The following KIF9 variants were observed in gnomAD, a reference collection of about 807,000 sequenced individuals.
The protein encoded by KIF9 is kinesin-like protein KIF9.
A neutral mutation model predicts 94.8 loss-of-function variants in KIF9; 68 were observed. The observed-to-expected ratio is 0.72, with a 90% CI of 0.59 to 0.88. KIF9 has a LOEUF of 0.88. Ranked by LOEUF, KIF9 falls within the 40% of genes least tolerant of loss-of-function variation. The pLI is 0.00. For missense variants in KIF9, 882 were observed against 982.5 expected, an observed-to-expected ratio of 0.90 and a Z score of 1.37; for synonymous variants, 343 against 362.1, an observed-to-expected ratio of 0.95 and a Z score of 0.60.
intron 19 of KIF9, 67 bp downstream of exon 19, chr3:47,235,967 C>A: frequency 8.5e-7 from 1 of 1,170,130 alleles, no homozygotes; most frequent in Non-Finnish European, 1.3e-6. Context: ...TGAGAACAGA[C>A]ATCAAGGGGC....
intron 9 of KIF9, among the ~76,000 whole-genome samples, chr3:47,259,695 T>C (rs908942335): frequency 4.7e-5 from 7 of 149,078 alleles, no homozygotes; most frequent in Non-Finnish European, 8.9e-5. Flanking sequence ...AAACGTGTGC[T>C]GTGTCAACTC....
chr3:47,240,211 C>A (rs1313610981), intron 17 of KIF9: 2 of 233,906 alleles, frequency 8.6e-6, no homozygotes, highest in South Asian at 6.1e-5. Flanking sequence ...ACCCTCCCCA[C>A]GTTGGGGTTC....
Position 47,257,472 on chromosome 3 carries a change from C to T in KIF9, c.1059+11G>A, listed in dbSNP as rs1278370866. The T allele has an allele frequency of 6.2e-7, 1 of 1,611,742 alleles. No homozygotes were observed. The highest frequency in any genetic ancestry group is 8.5e-7 in the Non-Finnish European group (1 of 1,178,064). ...CCACAGTGGGACACCTGTCCACAAC[C>T]CCTGCTGTACCTCAGCATCATACTT... On this transcript the variant is annotated intron_variant, in intron 10 of 20. Coordinates refer to ENST00000684063, the MANE Select transcript of KIF9 (RefSeq NM_182902.4).
intron 10 of KIF9, among the ~76,000 whole-genome samples, chr3:47,252,361 G>C (rs1700324437): frequency 6.6e-6 from 1 of 152,088 alleles, no homozygotes; most frequent in African/African-American, 2.4e-5. Context: ...CACTTTGGAA[G>C]GCTAAGAGGA....
At chr3:47,241,364 C>T (rs1163815887) in intron 16 of KIF9, among the ~76,000 whole-genome samples, 6 of 151,596 alleles carry the variant, frequency 4.0e-5, no homozygotes, top group Non-Finnish European at 7.4e-5. Flanking sequence ...TCTTGTCACC[C>T]AGGCTGGAGT....
intron 10 of KIF9, among the ~76,000 whole-genome samples, chr3:47,254,447 C>T (rs549957737): frequency 6.6e-6 from 1 of 151,678 alleles, no homozygotes; most frequent in African/African-American, 2.4e-5. Flanking sequence ...GAGACTCCAT[C>T]TCAAAAAACA....
intron 10 of KIF9, chr3:47,250,613 A>T: frequency 4.2e-6 from 2 of 473,528 alleles, no homozygotes; most frequent in Non-Finnish European, 8.6e-6. Context: ...CACACTCATG[A>T]ACTACAAAAG....
chr3:47,282,407 G>A (rs1559478893), intron 1 of KIF9, 88 bp downstream of exon 1: 1 of 986,214 alleles, frequency 1.0e-6, no homozygotes, highest in Non-Finnish European at 1.2e-6. Context: ...CAGATAAAGC[G>A]GTTTTTGGAC....
chr3:47,234,102 A>G (rs1274033099), intron 20 of KIF9, among the ~76,000 whole-genome samples: 1 of 152,056 alleles, frequency 6.6e-6, no homozygotes, highest in East Asian at 1.9e-4. Flanking sequence ...CAAAAAAAAG[A>G]AAGAGAGAAA....
At chr3:47,240,053 T>C in intron 17 of KIF9, 3 of 697,432 alleles carry the variant, frequency 4.3e-6, no homozygotes, top group Non-Finnish European at 4.2e-6. Context: ...TCAGAACCAC[T>C]GGCTGAGGGG....
chr3:47,279,999 G>C (rs1405179692), intron 1 of KIF9, among the ~76,000 whole-genome samples: 1 of 152,104 alleles, frequency 6.6e-6, no homozygotes, highest in Non-Finnish European at 1.5e-5. Flanking sequence ...CTCTCTCTCA[G>C]GGTGGAGTGC....
intron 9 of KIF9, among the ~76,000 whole-genome samples, chr3:47,259,323 T>A (rs1305053050): frequency 6.6e-6 from 1 of 152,198 alleles, no homozygotes; most frequent in Non-Finnish European, 1.5e-5. Flanking sequence ...GTCCCCTGTA[T>A]ACACTTCCCT....
intron 11 of KIF9, 60 bp from the exon 12 acceptor site, chr3:47,247,537 G>A (rs1700006207): frequency 7.5e-7 from 1 of 1,324,748 alleles, no homozygotes. Flanking sequence ...ACAGGGGAGT[G>A]GCAGGGGCCA....
chr3:47,235,187 T>C (rs1698926839), intron 20 of KIF9, among the ~76,000 whole-genome samples: 1 of 152,210 alleles, frequency 6.6e-6, no homozygotes, highest in African/African-American at 2.4e-5. Context: ...CTCTGTCCCC[T>C]GCCACCTGTG....
In KIF9 at chr3:47,243,105, G is replaced by T; in HGVS notation, c.1655C>A (p.Ser552Tyr). ...GTCTGAGGGAAGGGGCTCAATGCTG[G>T]AAGTTTCCCGGTCCCGCGAAAGCAT... ...KDMLSRDRET[S>Y]SIEPLPSDSP... The change falls in exon 16 of 21, where the codon TCC becomes TAC. Residue 552 changes from serine (S) to tyrosine (Y), a missense_variant. Transcript: ENST00000684063. 2 of 1,613,824 alleles carry T rather than the reference G, an allele frequency of 1.2e-6. No homozygotes were observed. The highest frequency in any genetic ancestry group is 1.7e-6 in the Non-Finnish European group (2 of 1,179,760).
chr3:47,255,200 G>T (rs910513926), intron 10 of KIF9, among the ~76,000 whole-genome samples: 4 of 152,190 alleles, frequency 2.6e-5, no homozygotes, highest in Admixed American at 6.5e-5. Flanking sequence ...TTGCCAGAAT[G>T]CTCCCCAAAG....
rs753834564 is a variant in KIF9, at chr3:47,236,541, T to C, written c.2003A>G (p.Lys668Arg). ...LLILKLKDLKKQYRSEYQDLR... is the reference protein window; with the variant it reads ...LLILKLKDLKRQYRSEYQDLR... The stretch of plus-strand genomic sequence containing the variant: ...GTCCTGGTACTCGCTGCGGTACTGC[T>C]TCTTGAGGTCTTTGAGCTTGAGGAT... Residue 668 changes from lysine to arginine, a missense_variant, in exon 18 of 21, where the codon AAG (lysine) becomes AGG (arginine). Physicochemically the swap from Lys to Arg is conservative, Grantham distance 26. Transcript: ENST00000684063. 3 of 1,614,124 alleles carry C rather than the reference T, an allele frequency of 1.9e-6. No individual in the cohort carries two copies. The highest frequency in any genetic ancestry group is 1.1e-5 in the South Asian group (1 of 91,086).
chr3:47,272,630 C>T (rs535885361), intron 4 of KIF9, among the ~76,000 whole-genome samples: 15 of 151,782 alleles, frequency 9.9e-5, no homozygotes, highest in African/African-American at 1.9e-4. Flanking sequence ...TGATTACATG[C>T]GGAAATATTT....
intron 3 of KIF9, among the ~76,000 whole-genome samples, chr3:47,274,486 T>C (rs1432089618): frequency 6.6e-6 from 1 of 152,222 alleles, no homozygotes; most frequent in Non-Finnish European, 1.5e-5. Context: ...ATTTTTTGCC[T>C]TTGTCACACA....
Sources: gnomAD v4.1 joint callset for allele counts (sites outside exome capture counted in the v4.1 genomes callset) on GRCh38, gnomAD v4.1.1 for gene constraint, MANE v1.5 for transcripts, NCBI Gene and HGNC (gene_info 2026-07-23, HGNC 2026-07-21) for gene names.